BICD1: variants seen among roughly 807,000 people sequenced by gnomAD.
BICD1 encodes the protein protein bicaudal D homolog 1.
BICD1 carries 35 observed loss-of-function variants against 92.5 expected under a neutral mutation model. That is an observed-to-expected ratio of 0.38 (90% confidence interval 0.29 to 0.50). The LOEUF (loss-of-function observed/expected upper bound fraction) is 0.50. Ranked by LOEUF, BICD1 falls within the 20% of genes least tolerant of loss-of-function variation. The pLI is 0.93. For missense variants in BICD1, 950 were observed against 1,189.8 expected, an observed-to-expected ratio of 0.80 and a Z score of 2.97; for synonymous variants, 429 against 465.1, an observed-to-expected ratio of 0.92 and a Z score of 1.00.
At chr12:32,303,541 C>T (rs1210043918) in intron 3 of BICD1, among the ~76,000 whole-genome samples, 1 of 152,136 alleles carries the variant, frequency 6.6e-6, no homozygotes, top group Non-Finnish European at 1.5e-5. Flanking sequence ...AAGACTAGTA[C>T]CAGCCAATGA....
In BICD1 at chr12:32,328,048, C is replaced by G. The variant is rs1294408537; in HGVS notation, c.1593C>G (p.Asn531Lys). 1.2e-6 allele frequency: 2 copies of G among 1,614,034 alleles called. No homozygotes were observed. Among genetic ancestry groups the G allele is most frequent in the Non-Finnish European group, 1.7e-6 (2 of 1,180,046 alleles). ...HVCLCNNETP[N>K]RVMLDYYRQS... Reference sequence around the variant, plus strand: ...GTCTATGTAATAATGAAACTCCCAACAGGGTCATGCTGGATTACTATAGGC... The same window carrying G: ...GTCTATGTAATAATGAAACTCCCAAGAGGGTCATGCTGGATTACTATAGGC... Residue 531 changes from asparagine to lysine, a missense_variant, in exon 5 of 10, where the codon AAC becomes AAG. Asn to Lys is a moderately conservative substitution (Grantham distance 94, BLOSUM62 0). Around this residue, in one of 5 missense-constraint regions of BICD1, gnomAD observed 309 missense variants for 499.4 expected, o/e 0.62. Coordinates refer to ENST00000652176, the MANE Select transcript of BICD1 (RefSeq NM_001714.4). This position sits in a 1 kb window ranked among gnomAD's most constrained non-coding sequence, Gnocchi z 4.4.
chr12:32,358,839 T>G (rs993538818), intron 8 of BICD1, among the ~76,000 whole-genome samples: 1 of 152,352 alleles, frequency 6.6e-6, no homozygotes, highest in South Asian at 2.1e-4. Flanking sequence ...ATTCAAGAGC[T>G]TTTGCATGCA....
chr12:32,249,588 A>C (rs989447959), intron 2 of BICD1, among the ~76,000 whole-genome samples: 2 of 151,918 alleles, frequency 1.3e-5, no homozygotes, highest in African/African-American at 4.8e-5. Flanking sequence ...AACCATTCAC[A>C]TGGAGCCTAA....
intron 2 of BICD1, among the ~76,000 whole-genome samples, chr12:32,253,682 T>G (rs1946624734): frequency 6.6e-6 from 1 of 152,230 alleles, no homozygotes; most frequent in Admixed American, 6.5e-5. Context: ...TTTCACTATG[T>G]GAGATTTCCT....
chr12:32,149,772 G>GATGGTGCCTTCTT (rs1943233041), intron 1 of BICD1, among the ~76,000 whole-genome samples: 1 of 152,188 alleles, frequency 6.6e-6, no homozygotes, highest in Admixed American at 6.5e-5. Flanking sequence ...CTGCTTCACA[G>GATGGTGCCTTCTT]ATGGTGCCTT....
At chr12:32,127,172 A>ACTCTTTTAATTTAGT (rs1942376913) in intron 1 of BICD1, among the ~76,000 whole-genome samples, 2 of 152,124 alleles carry the variant, frequency 1.3e-5, no homozygotes, top group Non-Finnish European at 2.9e-5. Context: ...TAGTTGATTT[A>ACTCTTTTAATTTAGT]TCACTCTTTT....
intron 2 of BICD1, among the ~76,000 whole-genome samples, chr12:32,234,776 G>T (rs1200169351): frequency 6.6e-6 from 1 of 150,424 alleles, no homozygotes; most frequent in Non-Finnish European, 1.5e-5. Flanking sequence ...CCTGAGTGGA[G>T]GTTACTCAGG....
At chr12:32,280,143 G>C (rs1452485504) in intron 2 of BICD1, among the ~76,000 whole-genome samples, 2 of 151,994 alleles carry the variant, frequency 1.3e-5, no homozygotes, top group Admixed American at 1.3e-4. Flanking sequence ...TATGCAGTAT[G>C]GGTTTCACTG....
chr12:32,109,562 CAGG>C (rs1195094124), intron 1 of BICD1: 1 of 151,636 alleles, frequency 6.6e-6, no homozygotes, highest in African/African-American at 2.4e-5. Context: ...TTCTATATAG[CAGG>C]AGGTTAATAA....
intron 2 of BICD1, among the ~76,000 whole-genome samples, chr12:32,260,171 C>T (rs113318729): frequency 9.2e-5 from 14 of 152,048 alleles, no homozygotes; most frequent in African/African-American, 2.2e-4. Flanking sequence ...ATGATCCACC[C>T]GCCTCCGCCT....
intron 2 of BICD1, among the ~76,000 whole-genome samples, chr12:32,224,379 A>C (rs564881343): frequency 6.6e-6 from 1 of 152,374 alleles, no homozygotes; most frequent in African/African-American, 2.4e-5. Context: ...CCAGGTATGA[A>C]GCTTAGCACT....
At chr12:32,210,238 T>C (rs1228109877) in intron 1 of BICD1, among the ~76,000 whole-genome samples, 1 of 152,172 alleles carries the variant, frequency 6.6e-6, no homozygotes, top group Non-Finnish European at 1.5e-5. Context: ...AATGAATGAA[T>C]GAATTTTAGT....
At chr12:32,274,646 C>G (rs1947230692) in intron 2 of BICD1, among the ~76,000 whole-genome samples, 1 of 152,042 alleles carries the variant, frequency 6.6e-6, no homozygotes, top group African/African-American at 2.4e-5. Context: ...TTATTTTACA[C>G]AGAAAGGGAA....
chr12:32,182,283 T>C (rs1320556263), intron 1 of BICD1, among the ~76,000 whole-genome samples: 10 of 130,820 alleles, frequency 7.6e-5, no homozygotes, highest in East Asian at 2.2e-4. Context: ...TCTTTCTTTT[T>C]TTTTTTTTTT....
At chr12:32,187,558 G>C (rs1944452410) in intron 1 of BICD1, among the ~76,000 whole-genome samples, 1 of 152,132 alleles carries the variant, frequency 6.6e-6, no homozygotes, top group Non-Finnish European at 1.5e-5. Flanking sequence ...TATAATCCCA[G>C]CTACTCAGGA....
chr12:32,248,688 T>C (rs1946449635), intron 2 of BICD1, among the ~76,000 whole-genome samples: 1 of 152,170 alleles, frequency 6.6e-6, no homozygotes, highest in South Asian at 2.1e-4. Flanking sequence ...GGATTTTGGC[T>C]CTTTAGCTCA....
At chr12:32,361,039 C>T (rs1215276054) in intron 8 of BICD1, among the ~76,000 whole-genome samples, 1 of 152,114 alleles carries the variant, frequency 6.6e-6, no homozygotes, top group African/African-American at 2.4e-5. Context: ...ATGGAAATAG[C>T]AGTGTGATGT....
intron 4 of BICD1, among the ~76,000 whole-genome samples, chr12:32,326,088 A>G (rs1661410401): frequency 6.6e-6 from 1 of 150,808 alleles, no homozygotes; most frequent in African/African-American, 2.4e-5. Context: ...CTCAAAAAAA[A>G]AAAAAAAAAA....
intron 2 of BICD1, among the ~76,000 whole-genome samples, chr12:32,277,696 C>T (rs548830261): frequency 6.6e-6 from 1 of 152,318 alleles, no homozygotes; most frequent in East Asian, 1.9e-4. Context: ...GCTAATATCT[C>T]TCAGTCCCTT....
Sources: allele counts gnomAD v4.1 joint callset (sites outside exome capture counted in the v4.1 genomes callset), GRCh38; gene constraint gnomAD v4.1.1; regional missense constraint gnomAD v4.1.1; non-coding constraint Gnocchi (gnomAD v3.1); transcripts MANE v1.5; gene names NCBI Gene and HGNC (gene_info 2026-07-23, HGNC 2026-07-21).